The following LARP1 variants were observed in gnomAD, a reference collection of about 807,000 sequenced individuals.
LARP1 encodes the protein la-related protein 1.
Under a neutral mutation model 122.7 loss-of-function variants are expected in LARP1, and 36 were observed. That is an observed-to-expected ratio of 0.29 (90% CI 0.22 to 0.39). The LOEUF (loss-of-function observed/expected upper bound fraction) is 0.39. LARP1 is among the 10% of genes least tolerant of loss of function. The pLI is 1.00. For synonymous variants in LARP1, 539 were observed against 528.7 expected (o/e 1.02, Z -0.27); for missense variants, 1,040 against 1,403.6 (o/e 0.74, Z 4.14).
At chr5:154,685,113 G>A (rs151267838) in intron 1 of LARP1, among the ~76,000 whole-genome samples, 5 of 152,196 alleles carry the variant, frequency 3.3e-5, no homozygotes, top group African/African-American at 7.2e-5. Flanking sequence ...GCATGGTGAC[G>A]CGCACCTGTA....
In LARP1 at chr5:154,811,507, C is replaced by T; in HGVS notation, c.2954-6C>T. ...CAGCTCAGCTTTTCTGTACCTCTCC[C>T]TACAGGCCAACTGTATGGGCTGGAG... On this transcript the variant is annotated splice_region_variant and splice_polypyrimidine_tract_variant and intron_variant, in intron 17 of 18. Coordinates refer to ENST00000518297, the MANE Select transcript of LARP1 (RefSeq NM_033551.3). The T allele has an allele frequency of 6.2e-7, 1 of 1,614,210 alleles. No individual in the cohort carries two copies. Among genetic ancestry groups the T allele is most frequent in the South Asian group, 1.1e-5 (1 of 91,088 alleles).
chr5:154,730,822 C>T (rs982371299), intron 1 of LARP1, among the ~76,000 whole-genome samples: 3 of 150,068 alleles, frequency 2.0e-5, no homozygotes, highest in African/African-American at 7.4e-5. Flanking sequence ...ATACTCCCAT[C>T]TAGTCACTAA....
intron 1 of LARP1, chr5:154,685,906 T>C: frequency 2.1e-6 from 1 of 484,670 alleles, no homozygotes; most frequent in South Asian, 1.6e-5. Flanking sequence ...GCCCTACTGC[T>C]AATGCTTCCC....
intron 14 of LARP1, chr5:154,805,001 C>A: frequency 4.5e-6 from 2 of 439,616 alleles, no homozygotes; most frequent in Non-Finnish European, 9.2e-6. Context: ...CTACTGTTAA[C>A]CAGAAGCCTT....
In LARP1 at chr5:154,797,289, A is replaced by AGTG. The variant is rs567139507; in HGVS notation, c.1377+1972_1377+1974dup. The stretch of plus-strand genomic sequence containing the variant: ...ACTCTTGTTGCCCAGGCTGGAGTGC[A>AGTG]GTGGCATGGTCTCAGCTCACTGCAA... On this transcript the variant is annotated intron_variant, in intron 8 of 18. Coordinates refer to ENST00000518297, the MANE Select transcript of LARP1 (RefSeq NM_033551.3). Among the ~76,000 whole-genome samples the AGTG allele has an allele frequency of 3.5e-4, 42 of 119,908 alleles. No individual in the cohort carries two copies. In the South Asian group the frequency reaches 0.011, roughly 30 times the overall value. The allele number at this position is 119,908 out of a possible 152,430, so 78.7% of individuals were successfully genotyped here.
chr5:154,713,001 C>A, exon 1 of LARP1: 2 of 1,614,210 alleles, frequency 1.2e-6, no homozygotes, highest in South Asian at 2.2e-5. Flanking sequence ...GGCTCCCATA[C>A]CTAGCTGCCC....
chr5:154,750,773 A>AATTT (rs905757466), upstream of LARP1, among the ~76,000 whole-genome samples: 8 of 151,736 alleles, frequency 5.3e-5, no homozygotes, highest in Non-Finnish European at 1.0e-4. Flanking sequence ...ACACCTGGCT[A>AATTT]ATTTATTTAT....
At chr5:154,774,115 G>T (rs1212832413) in intron 1 of LARP1, among the ~76,000 whole-genome samples, 1 of 151,884 alleles carries the variant, frequency 6.6e-6, no homozygotes, top group Non-Finnish European at 1.5e-5. Context: ...GTAAAATTGG[G>T]CTGCTTCTTA....
intron 1 of LARP1, among the ~76,000 whole-genome samples, chr5:154,759,359 A>G (rs1361126161): frequency 2.6e-5 from 4 of 152,016 alleles, no homozygotes; most frequent in African/African-American, 7.3e-5. Flanking sequence ...TTCTTGTGTT[A>G]TATAAGTACT....
chr5:154,753,263 T>C (rs1337777553), upstream of LARP1, among the ~76,000 whole-genome samples: 2 of 152,182 alleles, frequency 1.3e-5, no homozygotes, highest in Non-Finnish European at 2.9e-5. Flanking sequence ...GAATAATCTC[T>C]TCAGGGATTA....
At chr5:154,745,319 C>T (rs1297813052) in intron 1 of LARP1, among the ~76,000 whole-genome samples, 1 of 152,182 alleles carries the variant, frequency 6.6e-6, no homozygotes, top group Non-Finnish European at 1.5e-5. Context: ...CCTCAGTGTC[C>T]TCATCTTTAA....
intron 1 of LARP1, among the ~76,000 whole-genome samples, chr5:154,759,008 A>G (rs1057217138): frequency 1.3e-5 from 2 of 152,202 alleles, no homozygotes; most frequent in South Asian, 4.1e-4. Context: ...CCTTTTAAGT[A>G]TAAGATCCAA....
intron 1 of LARP1, among the ~76,000 whole-genome samples, chr5:154,721,311 C>T (rs1453933000): frequency 6.7e-6 from 1 of 148,210 alleles, no homozygotes; most frequent in Non-Finnish European, 1.5e-5. Context: ...AGCACCATTA[C>T]ACTCCAGCCT....
intron 1 of LARP1, among the ~76,000 whole-genome samples, chr5:154,745,792 C>G (rs1156757615): frequency 6.6e-6 from 1 of 150,424 alleles, no homozygotes; most frequent in East Asian, 1.9e-4. Context: ...CTAAACCCAA[C>G]TGTTTTTTTT....
intron 1 of LARP1, among the ~76,000 whole-genome samples, chr5:154,759,120 GTTAT>G (rs1413613527): frequency 1.3e-5 from 2 of 152,230 alleles, no homozygotes; most frequent in Non-Finnish European, 2.9e-5. Context: ...CCTTGGGCAA[GTTAT>G]TTAACCATTC....
At chr5:154,700,824 G>A (rs1754678335) in intron 1 of LARP1, among the ~76,000 whole-genome samples, 2 of 151,982 alleles carry the variant, frequency 1.3e-5, no homozygotes, top group Admixed American at 1.3e-4. Context: ...GGGGGTGGTG[G>A]CACGTGCCTG....
At chr5:154,684,617 T>C (rs1275414131) in intron 1 of LARP1, among the ~76,000 whole-genome samples, 1 of 152,166 alleles carries the variant, frequency 6.6e-6, no homozygotes, top group Admixed American at 6.6e-5. Context: ...GTACCATTGC[T>C]GCATGACGGC....
At chr5:154,778,543 GA>G (rs373944563) in intron 1 of LARP1, among the ~76,000 whole-genome samples, 250 of 152,242 alleles carry the variant, frequency 1.6e-3, no homozygotes, top group African/African-American at 5.8e-3. Flanking sequence ...GCTTATCCTG[GA>G]AAGCCGGCTG....
intron 1 of LARP1, 81 bp downstream of exon 1, chr5:154,756,274 C>G: frequency 9.7e-7 from 1 of 1,034,838 alleles, no homozygotes; most frequent in Non-Finnish European, 1.2e-6. Flanking sequence ...ACCTCCAGGG[C>G]CCCGGGGTCT....
Sources: allele counts gnomAD v4.1 joint callset (sites outside exome capture counted in the v4.1 genomes callset), GRCh38; gene constraint gnomAD v4.1.1; transcripts MANE v1.5; gene names NCBI Gene and HGNC (gene_info 2026-07-23, HGNC 2026-07-21).